The following TIAM1 variants were observed in gnomAD, a reference collection of about 807,000 sequenced individuals.
TIAM1 encodes the protein rho guanine nucleotide exchange factor TIAM1.
In TIAM1, 65 loss-of-function variants were observed where a neutral mutation model predicts 163.5. The ratio of observed to expected loss-of-function variants is 0.40; its 90% CI spans 0.33 to 0.49. The LOEUF is 0.49. Among genes scored for constraint, TIAM1 ranks in the 20% least tolerant of loss-of-function variants. The pLI, the probability that TIAM1 is intolerant of heterozygous loss-of-function variation, is 0.77. For missense variants in TIAM1, 1,789 were observed against 2,044.7 expected, an observed-to-expected ratio of 0.87 and a Z score of 2.41; for synonymous variants, 833 against 810.1, an observed-to-expected ratio of 1.03 and a Z score of -0.48.
At chr21:31,444,156 T>C (rs1025833576) in intron 2 of TIAM1, among the ~76,000 whole-genome samples, 7 of 152,178 alleles carry the variant, frequency 4.6e-5, no homozygotes, top group African/African-American at 1.7e-4. Context: ...ATGAACAGCA[T>C]TAAAGATAAG....
rs1445124586 is a variant in TIAM1 at position 31,281,390 on chromosome 21, T to C, written c.-188-4482A>G. On this transcript the variant is annotated intron_variant, in intron 2 of 27. Transcript: ENST00000541036. Reference sequence around the variant, plus strand: ...GGAAAGAAATTAGATAATCAACATGTAACACTATAAACTATAAAATTTATG... The same window carrying C: ...GGAAAGAAATTAGATAATCAACATGCAACACTATAAACTATAAAATTTATG... Among the ~76,000 whole-genome samples the C allele has an allele frequency of 2.0e-5, 3 of 152,162 alleles. No individual in the cohort carries two copies. In the East Asian group the frequency reaches 5.8e-4, roughly 29 times the overall value.
Position 31,136,059 on chromosome 21 carries a change from G to T in TIAM1, c.3775-18C>A. 1 of 1,604,740 alleles carries T rather than the reference G, an allele frequency of 6.2e-7. No individual in the cohort carries two copies. The highest frequency in any genetic ancestry group is 1.1e-5 in the South Asian group (1 of 90,552). Reference sequence around the variant, plus strand: ...TCTGCAACCTGAAAGCCAGAGACGTGACAAAGCTTACTGGGTGGTGTTATC... The same window carrying T: ...TCTGCAACCTGAAAGCCAGAGACGTTACAAAGCTTACTGGGTGGTGTTATC... On this transcript the variant is annotated intron_variant, in intron 22 of 27. Transcript: ENST00000541036.
intron 20 of TIAM1, among the ~76,000 whole-genome samples, chr21:31,143,134 C>T (rs2082934699): frequency 6.6e-6 from 1 of 152,140 alleles, no homozygotes; most frequent in Non-Finnish European, 1.5e-5. Context: ...CCACACACCC[C>T]TCCCCCATAC....
intron 2 of TIAM1, among the ~76,000 whole-genome samples, chr21:31,439,307 T>C (rs894064440): frequency 2.0e-5 from 3 of 152,234 alleles, no homozygotes; most frequent in Non-Finnish European, 4.4e-5. Flanking sequence ...TCTGTTTGTT[T>C]GAGATGGCAT....
chr21:31,182,691 G>A (rs1488499082), intron 14 of TIAM1, 46 bp from the exon 15 acceptor site: 1 of 1,566,108 alleles, frequency 6.4e-7, no homozygotes, highest in Non-Finnish European at 8.7e-7. Context: ...CACATTATCA[G>A]AACACAACAG....
intron 1 of TIAM1, among the ~76,000 whole-genome samples, chr21:31,547,012 T>C (rs1478195998): frequency 2.6e-5 from 4 of 152,192 alleles, no homozygotes; most frequent in Admixed American, 2.0e-4. Context: ...GCATTCCAGC[T>C]TACTAGTTGC....
intron 26 of TIAM1, among the ~76,000 whole-genome samples, chr21:31,126,335 G>A (rs984083224): frequency 4.6e-5 from 7 of 152,084 alleles, no homozygotes; most frequent in African/African-American, 1.7e-4. Context: ...GTGGCAGGCC[G>A]AGGCAGGCAG....
chr21:31,293,705 T>C (rs1346952297), intron 2 of TIAM1, among the ~76,000 whole-genome samples: 1 of 152,230 alleles, frequency 6.6e-6, no homozygotes, highest in African/African-American at 2.4e-5. Context: ...AAGAGGTCGC[T>C]GCGAAGAGCG....
At chr21:31,182,071 C>T (rs996166501) in intron 15 of TIAM1, among the ~76,000 whole-genome samples, 1 of 151,766 alleles carries the variant, frequency 6.6e-6, no homozygotes, top group Non-Finnish European at 1.5e-5. Flanking sequence ...GTGCGAGCCA[C>T]CACACGTGGC....
At chr21:31,465,631 T>C (rs891603348) in intron 1 of TIAM1, among the ~76,000 whole-genome samples, 39 of 151,380 alleles carry the variant, frequency 2.6e-4, no homozygotes, top group Middle Eastern at 7.0e-3. Context: ...AGTGCAGTGG[T>C]GCGATCTTGG....
At chr21:31,509,441 G>T (rs1432446788) in intron 1 of TIAM1, among the ~76,000 whole-genome samples, 1 of 152,216 alleles carries the variant, frequency 6.6e-6, no homozygotes, top group Non-Finnish European at 1.5e-5. Flanking sequence ...GCCTGGCACA[G>T]GCGCCACTTC....
chr21:31,374,384 C>G (rs1395204146), intron 2 of TIAM1, among the ~76,000 whole-genome samples: 1 of 152,202 alleles, frequency 6.6e-6, no homozygotes, highest in East Asian at 1.9e-4. Context: ...CCTCCGGCTC[C>G]CTTTCCTTCT....
intron 1 of TIAM1, among the ~76,000 whole-genome samples, chr21:31,546,073 T>TTA (rs1569425320): frequency 6.6e-6 from 1 of 151,316 alleles, no homozygotes; most frequent in Non-Finnish European, 1.5e-5. Context: ...TAATTTATTT[T>TTA]AAAAAAAATT....
chr21:31,366,206 G>A (rs945646065), intron 2 of TIAM1, among the ~76,000 whole-genome samples: 1 of 151,850 alleles, frequency 6.6e-6, no homozygotes, highest in Non-Finnish European at 1.5e-5. Context: ...ATGGTTGACA[G>A]AGGTCATAGG....
chr21:31,427,142 T>C (rs940312109), intron 2 of TIAM1, among the ~76,000 whole-genome samples: 7 of 152,108 alleles, frequency 4.6e-5, no homozygotes, highest in African/African-American at 1.7e-4. Flanking sequence ...TTGGACAAAT[T>C]CCTGGCCTCA....
intron 1 of TIAM1, among the ~76,000 whole-genome samples, chr21:31,508,081 G>A (rs910565121): frequency 6.6e-6 from 1 of 152,216 alleles, no homozygotes; most frequent in Non-Finnish European, 1.5e-5. Flanking sequence ...ACAGGGACAG[G>A]AAGGACGCAG....
In TIAM1 at chr21:31,549,556, C is replaced by T. The variant is rs1285381188; in HGVS notation, c.-422+9371G>A. On this transcript the variant is annotated intron_variant, in intron 1 of 28. Transcript: ENST00000286827. ...ACGATTAGCCTACAAGCACATGAAA[C>T]GATGTTCTGTTCAATGACATTATTT... Among the ~76,000 whole-genome samples the T allele has an allele frequency of 3.3e-5, 5 of 152,072 alleles. No individual in the cohort carries two copies. In the East Asian group the frequency reaches 9.6e-4, roughly 29 times the overall value.
At position 31,130,855 on chromosome 21, in the gene TIAM1, A is replaced by G. The variant is rs753322321; in HGVS notation, c.3942+35T>C. Reference sequence around the variant, plus strand: ...ATAACTGATAAGCAGATAGAGAAATAGTTTCAAACCATGGGGTAACATAAG... The same window carrying G: ...ATAACTGATAAGCAGATAGAGAAATGGTTTCAAACCATGGGGTAACATAAG... On this transcript the variant is annotated intron_variant, in intron 24 of 27. Coordinates refer to ENST00000541036, the MANE Select transcript of TIAM1 (RefSeq NM_001353694.2). 3 of 1,590,982 alleles carry G rather than the reference A, an allele frequency of 1.9e-6. No homozygotes were observed. In the South Asian group the frequency reaches 3.3e-5, roughly 18 times the overall value.
intron 1 of TIAM1, among the ~76,000 whole-genome samples, chr21:31,499,827 G>T (rs960875879): frequency 6.6e-6 from 1 of 151,084 alleles, no homozygotes. Context: ...TCCAGCCTGG[G>T]CAACAGAACA....
Sources: allele counts gnomAD v4.1 joint callset (sites outside exome capture counted in the v4.1 genomes callset), GRCh38; gene constraint gnomAD v4.1.1; transcripts MANE v1.5; gene names NCBI Gene and HGNC (gene_info 2026-07-23, HGNC 2026-07-21).